Variants in MALRD1 observed in about 807,000 individuals in gnomAD.
MALRD1 encodes MAM and LDL-receptor class A domain-containing protein 1.
In MALRD1, 247 loss-of-function variants were observed where a neutral mutation model predicts 242.1. The observed-to-expected ratio is 1.02, with a 90% CI of 0.92 to 1.13. The LOEUF is 1.13. Ranked by LOEUF, MALRD1 falls within the 50% of genes most tolerant of loss-of-function variation. The pLI is 0.00. For synonymous variants in MALRD1, 995 were observed against 866.6 expected (o/e 1.15, Z -2.60); for missense variants, 2,989 against 2,533.1 (o/e 1.18, Z -3.86).
At chr10:19,478,852 G>A (rs1836860037) in intron 29 of MALRD1, among the ~76,000 whole-genome samples, 1 of 152,032 alleles carries the variant, frequency 6.6e-6, no homozygotes, top group Non-Finnish European at 1.5e-5. Flanking sequence ...TATCACACAG[G>A]CTATTTATCC....
chr10:19,417,850 C>T lies in MALRD1; in HGVS notation c.4845+28241C>T, dbSNP rs559588499. Among the ~76,000 whole-genome samples the T allele has an allele frequency of 4.6e-5, 7 of 152,230 alleles. No individual in the cohort carries two copies. The South Asian group carries it at 1.2e-3, about 27-fold the overall frequency. On this transcript the variant is annotated intron_variant, in intron 28 of 39. Transcript: ENST00000454679. ...AATGCATGTAACATGGTATGGATTA[C>T]ACTATGTGTCACATCATATAAATGT... is the stretch of plus-strand genomic sequence containing the variant.
At chr10:19,224,735 G>T (rs1175016025) in intron 18 of MALRD1, among the ~76,000 whole-genome samples, 2 of 151,878 alleles carry the variant, frequency 1.3e-5, no homozygotes, top group Non-Finnish European at 2.9e-5. Context: ...CTGGATATTA[G>T]CCCTTTGTTA....
At chr10:19,719,175 CATATATATATAT>C (rs1181720186) in intron 38 of MALRD1, among the ~76,000 whole-genome samples, 2 of 32,206 alleles carry the variant, frequency 6.2e-5, no homozygotes, top group African/African-American at 2.2e-4. Context: ...TATATACATA[CATATATATATAT>C]ATACATACAT....
intron 36 of MALRD1, among the ~76,000 whole-genome samples, chr10:19,662,686 C>A (rs760297291): frequency 6.6e-6 from 1 of 152,076 alleles, no homozygotes; most frequent in Non-Finnish European, 1.5e-5. Context: ...GTTTTTGCAC[C>A]ATTTTGTGCA....
At position 19,066,652 on chromosome 10, in the gene MALRD1, G is replaced by C. The variant is rs1020037747; in HGVS notation, c.200-67G>C. ...ATTTGTTGCTAAACTTTATTTTTCTGCTATTGTCTTATTTTTTAAAAAGCT... is the reference window on the plus strand; with the variant it reads ...ATTTGTTGCTAAACTTTATTTTTCTCCTATTGTCTTATTTTTTAAAAAGCT... On this transcript the variant is annotated intron_variant, in intron 1 of 39. Coordinates refer to ENST00000454679, the MANE Select transcript of MALRD1 (RefSeq NM_001142308.3). The C allele has an allele frequency of 9.8e-6, 11 of 1,125,304 alleles. No individual in the cohort carries two copies. The African/African-American group carries it at 1.8e-4, about 18-fold the overall frequency. 69.7% of individuals were successfully genotyped at this position (1,125,304 alleles called of 1,614,324 possible).
At chr10:19,422,103 C>T (rs955379196) in intron 28 of MALRD1, among the ~76,000 whole-genome samples, 2 of 152,186 alleles carry the variant, frequency 1.3e-5, no homozygotes, top group African/African-American at 4.8e-5. Flanking sequence ...CAAAAGGAAA[C>T]CACATTGATT....
intron 28 of MALRD1, among the ~76,000 whole-genome samples, chr10:19,406,753 T>C (rs751908729): frequency 3.3e-5 from 5 of 152,176 alleles, no homozygotes; most frequent in Non-Finnish European, 5.9e-5. Flanking sequence ...TTCTCACACA[T>C]GGTGAATGTT....
intron 28 of MALRD1, among the ~76,000 whole-genome samples, chr10:19,408,307 A>G (rs774569116): frequency 5.3e-5 from 8 of 152,122 alleles, no homozygotes; most frequent in East Asian, 1.9e-4. Context: ...AGGTTTCTCA[A>G]TCTTCAGTTC....
chr10:19,132,659 T>G (rs1833158898), intron 8 of MALRD1, among the ~76,000 whole-genome samples: 2 of 152,132 alleles, frequency 1.3e-5, no homozygotes, highest in Non-Finnish European at 2.9e-5. Flanking sequence ...TTCTATCTCA[T>G]GCTAGAAAGT....
In MALRD1 at chr10:19,345,762, C is replaced by CTT. The variant is rs398114138; in HGVS notation, c.3902-1999_3902-1998dup. Among the ~76,000 whole-genome samples the CTT allele has an allele frequency of 4.5e-4, 66 of 148,222 alleles. 1 individual carries two copies. The highest frequency in any genetic ancestry group is 3.5e-3 in the Middle Eastern group (1 of 288). ...AGTCTTGATGTTTTCTTGAAGTAATCTTTTTTTTTTTAGTTCTTTCAACAG... is the reference window on the plus strand; with the variant it reads ...AGTCTTGATGTTTTCTTGAAGTAATCTTTTTTTTTTTTTAGTTCTTTCAACAG... On this transcript the variant is annotated intron_variant, in intron 24 of 39. Coordinates refer to ENST00000454679, the MANE Select transcript of MALRD1 (RefSeq NM_001142308.3).
At chr10:19,462,167 C>A (rs973196837) in intron 29 of MALRD1, among the ~76,000 whole-genome samples, 1 of 152,122 alleles carries the variant, frequency 6.6e-6, no homozygotes, top group African/African-American at 2.4e-5. Context: ...CTGATGCTTC[C>A]TAGCAATAGT....
Position 19,066,792 on chromosome 10 carries a change from T to C in MALRD1, c.273T>C (p.Ser91=), listed in dbSNP as rs1003996517. The C allele has an allele frequency of 4.9e-6, 6 of 1,233,758 alleles. No individual in the cohort carries two copies. Among genetic ancestry groups the C allele is most frequent in the East Asian group, 3.2e-5 (1 of 31,676 alleles). The allele number at this position is 1,233,758 out of a possible 1,614,324, so 76.4% of individuals were successfully genotyped here. A position where few individuals can be genotyped will look rare whatever the true frequency, so the allele number is the denominator to read the frequency against. Residue 91 remains serine, a synonymous_variant, in exon 2 of 40, where the codon AGT becomes AGC. Coordinates refer to ENST00000454679, the MANE Select transcript of MALRD1 (RefSeq NM_001142308.3). The stretch of plus-strand genomic sequence containing the variant: ...CTCAAGATCAGAGTCTGCAACCTAG[T>C]TGGACAAAGAGAAGTGGGATGATTG... ...HMTQDQSLQP[S]WTKRSGMIGL... is the part of the protein sequence containing the mutation.
chr10:19,377,878 C>G (rs911596229), intron 26 of MALRD1, among the ~76,000 whole-genome samples: 3 of 152,010 alleles, frequency 2.0e-5, no homozygotes, highest in African/African-American at 7.2e-5. Context: ...TTAAAATACT[C>G]TATGCACAAA....
intron 2 of MALRD1, among the ~76,000 whole-genome samples, chr10:19,081,984 A>G (rs1322355615): frequency 1.3e-5 from 2 of 151,860 alleles, no homozygotes; most frequent in African/African-American, 4.8e-5. Flanking sequence ...TAAGAATTTA[A>G]TCTATTTGCA....
intron 32 of MALRD1, among the ~76,000 whole-genome samples, chr10:19,538,218 A>T (rs868738061): frequency 6.6e-6 from 1 of 152,220 alleles, no homozygotes; most frequent in Non-Finnish European, 1.5e-5. Context: ...AGGGCTGCAT[A>T]AAGAAAATAT....
chr10:19,491,923 TG>T (rs1837510861), intron 30 of MALRD1, among the ~76,000 whole-genome samples: 1 of 152,006 alleles, frequency 6.6e-6, no homozygotes, highest in African/African-American at 2.4e-5. Context: ...TTAGGCACAC[TG>T]TGTGTAGGGT....
Position 19,124,656 on chromosome 10 carries a change from G to C in MALRD1, c.929G>C (p.Gly310Ala), listed in dbSNP as rs938880205. The change falls in exon 7 of 40, where the codon GGA becomes GCA. Residue 310 changes from glycine (G) to alanine (A), a missense_variant. Gly to Ala is a moderately conservative substitution (Grantham distance 60, BLOSUM62 0). Transcript: ENST00000454679. The stretch of plus-strand genomic sequence containing the variant: ...GAATCCACACCTCAGCAGGATCAAG[G>C]AGGTGATGATGAAGGTAGAAAAAAA... ...AFESTPQQDQ[G>A]GDDEGYYVWV... The C allele has an allele frequency of 8.1e-7, 1 of 1,233,614 alleles. No homozygotes were observed. The highest frequency in any genetic ancestry group is 1.6e-5 in the African/African-American group (1 of 64,444). 76.4% of individuals were successfully genotyped at this position (1,233,614 alleles called of 1,614,324 possible).
chr10:19,159,554 G>C (rs1316212455), intron 12 of MALRD1, among the ~76,000 whole-genome samples: 1 of 151,764 alleles, frequency 6.6e-6, no homozygotes, highest in Non-Finnish European at 1.5e-5. Context: ...GATTGAGAAG[G>C]AATTAGAACG....
intron 33 of MALRD1, among the ~76,000 whole-genome samples, chr10:19,573,402 G>T (rs754742498): frequency 8.5e-5 from 13 of 152,144 alleles, no homozygotes; most frequent in African/African-American, 3.1e-4. Context: ...GGTGGCAGCA[G>T]CCCTGGGCAG....
Sources: gnomAD v4.1 joint callset for allele counts (sites outside exome capture counted in the v4.1 genomes callset) on GRCh38, gnomAD v4.1.1 for gene constraint, MANE v1.5 for transcripts, NCBI Gene and HGNC (gene_info 2026-07-23, HGNC 2026-07-21) for gene names.